The following AKT3 variants were observed in gnomAD, a reference collection of about 807,000 sequenced individuals.
AKT3 encodes the protein AKT serine/threonine kinase 3.
Under a neutral mutation model 65.3 loss-of-function variants are expected in AKT3, and 15 were observed. The observed-to-expected ratio is 0.23, with a 90% CI of 0.15 to 0.35. The LOEUF is 0.35. Among genes scored for constraint, AKT3 ranks in the 10% least tolerant of loss-of-function variants. The pLI is 1.00. For synonymous variants in AKT3, 206 were observed against 183.8 expected (o/e 1.12, Z -0.98); for missense variants, 243 against 576.5 (o/e 0.42, Z 5.92).
Position 243,502,877 on chromosome 1 carries a change from A to G in AKT3, c.*2372T>C, listed in dbSNP as rs1440621008. ...GGCCAAGGTCATGGGAATCACTTTAAGATTTGCGGGAGAAAAAACCAAAAC... is the reference window on the plus strand; with the variant it reads ...GGCCAAGGTCATGGGAATCACTTTAGGATTTGCGGGAGAAAAAACCAAAAC... On this transcript the variant is annotated 3_prime_UTR_variant, in exon 14 of 14. Coordinates refer to ENST00000673466, the MANE Select transcript of AKT3 (RefSeq NM_005465.7). 1 of 233,210 alleles carries G rather than the reference A, an allele frequency of 4.3e-6. No individual in the cohort carries two copies. Among genetic ancestry groups the G allele is most frequent in the Non-Finnish European group, 8.5e-6 (1 of 118,070 alleles). The allele number at this position is 233,210 out of a possible 1,614,324, so 14.4% of individuals were successfully genotyped here.
chr1:243,526,047 T>A (rs756114849), intron 12 of AKT3, among the ~76,000 whole-genome samples: 1 of 151,326 alleles, frequency 6.6e-6, no homozygotes, highest in Non-Finnish European at 1.5e-5. Context: ...AGAACTACTC[T>A]GTGTGTGTGT....
intron 2 of AKT3, among the ~76,000 whole-genome samples, chr1:243,813,660 A>T (rs570671992): frequency 3.9e-5 from 6 of 152,202 alleles, no homozygotes; most frequent in African/African-American, 1.4e-4. Context: ...ATGGACTACC[A>T]TATTAGGCAT....
Position 243,795,453 on chromosome 1 carries a change from T to TG in AKT3, c.46+47671_46+47672insC, listed in dbSNP as rs1336021101. 2.7e-3 allele frequency among the ~76,000 whole-genome samples: 314 copies of TG among 116,950 alleles called. 5 individuals carry two copies. Among genetic ancestry groups the TG allele is most frequent in the African/African-American group, 0.012 (301 of 24,360 alleles). The allele number at this position is 116,950 out of a possible 152,430, so 76.7% of individuals were successfully genotyped here. ...TAGGTTTCCCTTGATCTCCTTGTTT[T>TG]TTTTTTTTGTTTTTTTTTTTTGGTT... On this transcript the variant is annotated intron_variant, in intron 2 of 13. Coordinates refer to ENST00000673466, the MANE Select transcript of AKT3 (RefSeq NM_005465.7).
intron 13 of AKT3, among the ~76,000 whole-genome samples, chr1:243,493,539 C>T (rs1349693058): frequency 6.6e-6 from 1 of 151,956 alleles, no homozygotes; most frequent in African/African-American, 2.4e-5. Context: ...GCCGTCGTAT[C>T]CTGAGCAGGC....
chr1:243,599,184 C>T (rs538679446), intron 8 of AKT3, among the ~76,000 whole-genome samples: 1 of 152,140 alleles, frequency 6.6e-6, no homozygotes, highest in East Asian at 1.9e-4. Context: ...TAAAAGCTAA[C>T]AAAAGTTACG....
chr1:243,824,464 T>A (rs1186015251), intron 2 of AKT3, among the ~76,000 whole-genome samples: 2 of 151,564 alleles, frequency 1.3e-5, no homozygotes, highest in Non-Finnish European at 2.9e-5. Flanking sequence ...ATCATCAGAG[T>A]GAACAGACAA....
At position 243,549,832 on chromosome 1, in the gene AKT3, T is replaced by G. The variant is rs993686270; in HGVS notation, c.1163+2897A>C. Among the ~76,000 whole-genome samples, 13 of 152,344 alleles carry G rather than the reference T, an allele frequency of 8.5e-5. No individual in the cohort carries two copies. The East Asian group carries it at 2.3e-3, about 27-fold the overall frequency. On this transcript the variant is annotated intron_variant, in intron 11 of 13. Transcript: ENST00000673466. ...TTTCATGACACAAATCTGATTATACTATCCCTTGCTTTAAACACTTAAGCA... is the reference window on the plus strand; with the variant it reads ...TTTCATGACACAAATCTGATTATACGATCCCTTGCTTTAAACACTTAAGCA...
chr1:243,726,545 A>G (rs1024382289), intron 2 of AKT3, among the ~76,000 whole-genome samples: 2 of 152,216 alleles, frequency 1.3e-5, no homozygotes, highest in Admixed American at 6.5e-5. Context: ...AGAAGTTGTC[A>G]ATTTTCTGAA....
At chr1:243,621,172 G>C (rs1476959673) in intron 6 of AKT3, among the ~76,000 whole-genome samples, 2 of 152,106 alleles carry the variant, frequency 1.3e-5, no homozygotes, top group Admixed American at 1.3e-4. Flanking sequence ...ACTAAGCTAA[G>C]ACTAGAACCC....
intron 8 of AKT3, among the ~76,000 whole-genome samples, chr1:243,599,906 T>C (rs1234126454): frequency 1.3e-5 from 2 of 152,078 alleles, no homozygotes; most frequent in African/African-American, 2.4e-5. Context: ...GACATGATCA[T>C]CTACATAGAG....
Position 243,503,214 on chromosome 1 carries a change from TA to T in AKT3, c.*2034del, listed in dbSNP as rs1669436827. ...CAGGTAGAAATATGAAAAAGAAGGA[TA>T]ACGTTGATGTCTGAATATGTCTTAG... On this transcript the variant is annotated 3_prime_UTR_variant, in exon 14 of 14. Transcript: ENST00000673466. The T allele has an allele frequency of 4.3e-6, 1 of 233,530 alleles. No homozygotes were observed. The highest frequency in any genetic ancestry group is 1.8e-4 in the South Asian group (1 of 5,522). The allele number at this position is 233,530 out of a possible 1,614,324, so 14.5% of individuals were successfully genotyped here. A position where few individuals can be genotyped will look rare whatever the true frequency, so the allele number is the denominator to read the frequency against.
rs180684008 is a variant in AKT3, at chr1:243,608,955, C to T, written c.696+4716G>A. On this transcript the variant is annotated intron_variant, in intron 8 of 13. Coordinates refer to ENST00000673466, the MANE Select transcript of AKT3 (RefSeq NM_005465.7). ...TTTTAGTAGAGATGGGGTTTCATCACGTTGGCCAGGCTGGTCTCGAACTCC... is the reference window on the plus strand; with the variant it reads ...TTTTAGTAGAGATGGGGTTTCATCATGTTGGCCAGGCTGGTCTCGAACTCC... Among the ~76,000 whole-genome samples, 4 of 151,410 alleles carry T rather than the reference C, an allele frequency of 2.6e-5. No individual in the cohort carries two copies. The East Asian group carries it at 5.9e-4, about 22-fold the overall frequency.
intron 2 of AKT3, among the ~76,000 whole-genome samples, chr1:243,748,752 T>G (rs376746438): frequency 6.6e-6 from 1 of 152,180 alleles, no homozygotes; most frequent in African/African-American, 2.4e-5. Context: ...TTTAGTTATA[T>G]GAATAAGATT....
rs183789181 is a variant in AKT3, at chr1:243,801,462, C to T, written c.46+41663G>A. 4.0e-3 allele frequency among the ~76,000 whole-genome samples: 612 copies of T among 152,152 alleles called. 3 individuals are homozygous for T. The highest frequency in any genetic ancestry group is 0.013 in the African/African-American group (523 of 41,510). On this transcript the variant is annotated intron_variant, in intron 2 of 13. Coordinates refer to ENST00000673466, the MANE Select transcript of AKT3 (RefSeq NM_005465.7). ...CATGCCATGGATAAAGTTTTAAAGACGGTAATAAAAATCTTTTCAGGGTTA... is the reference window on the plus strand; with the variant it reads ...CATGCCATGGATAAAGTTTTAAAGATGGTAATAAAAATCTTTTCAGGGTTA...
intron 4 of AKT3, among the ~76,000 whole-genome samples, chr1:243,656,260 A>G (rs1681782775): frequency 6.6e-6 from 1 of 152,180 alleles, no homozygotes; most frequent in African/African-American, 2.4e-5. Context: ...AAGTACATTA[A>G]TCTTTTAAAA....
chr1:243,663,673 T>A lies in AKT3; in HGVS notation c.284+1099A>T, dbSNP rs549964519. On this transcript the variant is annotated intron_variant, in intron 4 of 13. Transcript: ENST00000673466. ...CTGATCAAAAGTGTTATTAAAATAA[T>A]ACTTTACCATTTTGCTTTTATTAAA... Among the ~76,000 whole-genome samples, 9 of 152,348 alleles carry A rather than the reference T, an allele frequency of 5.9e-5. No homozygotes were observed. In the East Asian group the frequency reaches 1.7e-3, roughly 29 times the overall value.
chr1:243,728,940 T>C (rs1389328928), intron 2 of AKT3, among the ~76,000 whole-genome samples: 6 of 152,126 alleles, frequency 3.9e-5, no homozygotes, highest in Admixed American at 3.9e-4. Context: ...CAAGAACTGA[T>C]ACAAGATCAG....
intron 8 of AKT3, among the ~76,000 whole-genome samples, chr1:243,597,677 A>C (rs1676721356): frequency 1.3e-5 from 2 of 152,004 alleles, no homozygotes; most frequent in South Asian, 4.1e-4. Context: ...ATTTTTAACT[A>C]TTTTGGTAGA....
Position 243,653,165 on chromosome 1 carries a change from T to C in AKT3, c.285-7128A>G, listed in dbSNP as rs575786318. Among the ~76,000 whole-genome samples the C allele has an allele frequency of 4.6e-5, 7 of 152,214 alleles. No individual in the cohort carries two copies. The South Asian group carries it at 1.2e-3, about 27-fold the overall frequency. On this transcript the variant is annotated intron_variant, in intron 4 of 13. Transcript: ENST00000673466. Reference sequence around the variant, plus strand: ...ACAATAAAAAATGATAAAGGGGATATCACCGTCAATCCCACAGAAATACAA... The same window carrying C: ...ACAATAAAAAATGATAAAGGGGATACCACCGTCAATCCCACAGAAATACAA...
Sources: gnomAD v4.1 joint callset for allele counts (sites outside exome capture counted in the v4.1 genomes callset) on GRCh38, gnomAD v4.1.1 for gene constraint, MANE v1.5 for transcripts, NCBI Gene and HGNC (gene_info 2026-07-23, HGNC 2026-07-21) for gene names.